Variants in PYY observed in about 807,000 individuals in gnomAD.
PYY encodes the protein peptide YY.
PYY carries 12 observed loss-of-function variants against 10.3 expected under a neutral mutation model. The ratio of observed to expected loss-of-function variants is 1.17; its 90% CI spans 0.75 to 1.89. The LOEUF (loss-of-function observed/expected upper bound fraction) is 1.89. PYY is among the 40% of genes most tolerant of loss of function. The pLI is 0.00. For synonymous variants in PYY, 66 were observed against 62.0 expected (o/e 1.06, Z -0.30); for missense variants, 141 against 134.0 (o/e 1.05, Z -0.26).
chr17:43,999,994 T>C (rs560350087), intron 1 of PYY, among the ~76,000 whole-genome samples: 2 of 152,226 alleles, frequency 1.3e-5, no homozygotes, highest in South Asian at 4.1e-4. Context: ...GTGCCTATGT[T>C]TTCCGAGAGC....
chr17:43,953,302 C>A lies in PYY; in HGVS notation c.182G>T (p.Arg61Leu), dbSNP rs748873545. 1.1e-5 allele frequency: 17 copies of A among 1,612,160 alleles called. No homozygotes were observed. Among genetic ancestry groups the A allele is most frequent in the Non-Finnish European group, 1.3e-5 (15 of 1,179,144 alleles). ...SLRHYLNLVTRQRYGKRDGPD... is the reference protein window; with the variant it reads ...SLRHYLNLVTLQRYGKRDGPD... ...GCTCCGCGCCTGCGCTCACCGCTGC[C>A]GGGTGACCAGGTTGAGGTAGTGGCG... Residue 61 changes from arginine to leucine, a missense_variant, in exon 2 of 4, where the codon CGG becomes CTG. By Grantham distance (102) the Arg-to-Leu change is moderately radical. Transcript: ENST00000692052.
intron 1 of PYY, among the ~76,000 whole-genome samples, chr17:43,995,068 C>G (rs2048982323): frequency 6.6e-6 from 1 of 152,206 alleles, no homozygotes; most frequent in Non-Finnish European, 1.5e-5. Flanking sequence ...CGTGGCCGGG[C>G]CGGCATCGCC....
upstream of PYY, among the ~76,000 whole-genome samples, chr17:43,954,947 C>G (rs2048662123): frequency 1.3e-5 from 2 of 152,190 alleles, no homozygotes; most frequent in South Asian, 4.1e-4. Context: ...GAAACTGAAG[C>G]CCTGGGAGGT....
chr17:44,001,785 G>A (rs2049029024), intron 1 of PYY, among the ~76,000 whole-genome samples: 1 of 152,056 alleles, frequency 6.6e-6, no homozygotes, highest in African/African-American at 2.4e-5. Context: ...GGAGATACCA[G>A]TCCTGCCCTC....
chr17:43,991,765 C>T (rs568388539), intron 1 of PYY, among the ~76,000 whole-genome samples: 4 of 150,636 alleles, frequency 2.7e-5, no homozygotes, highest in South Asian at 2.1e-4. Flanking sequence ...GAGGCTGCAG[C>T]GAGCTGTGAT....
At chr17:43,964,223 G>C (rs934108696) in intron 2 of PYY, among the ~76,000 whole-genome samples, 1 of 152,128 alleles carries the variant, frequency 6.6e-6, no homozygotes, top group South Asian at 2.1e-4. Context: ...GTCTCAATAT[G>C]TTGCCCAGGC....
intron 1 of PYY, among the ~76,000 whole-genome samples, chr17:43,983,217 G>T (rs570480435): frequency 2.0e-5 from 3 of 152,276 alleles, no homozygotes; most frequent in Non-Finnish European, 2.9e-5. Context: ...GGGTGACAGC[G>T]AGATGCTGTC....
intron 1 of PYY, among the ~76,000 whole-genome samples, chr17:43,982,475 A>G (rs1205961098): frequency 6.6e-6 from 1 of 152,194 alleles, no homozygotes; most frequent in African/African-American, 2.4e-5. Context: ...ATGCCCCTAG[A>G]TGTGATGCTC....
chr17:43,989,846 ATATATATATATATATATATATATAT>A lies in PYY; in HGVS notation c.-463+14520_-463+14544del, dbSNP rs2048943851. On this transcript the variant is annotated intron_variant, in intron 1 of 6. Transcript: ENST00000360085. ...AAAAAAAAAAAAAAAAAAAAAAAAT[ATATATATATATATATATATATATAT>A]ATATATATATATATATATATATATA... 3.1e-3 allele frequency among the ~76,000 whole-genome samples: 2 copies of A among 646 alleles called. 1 individual carries two copies. The highest frequency in any genetic ancestry group is 0.01 in the African/African-American group (2 of 196). 0.4% of individuals were successfully genotyped at this position (646 alleles called of 152,430 possible).
rs377508672 is a variant in PYY at position 43,974,464 on chromosome 17, A to C, written c.-462-7932T>G. ...AAAACCTGCTTCAAACCCTGTGTCA[A>C]TTGTTCACCCAGTCTCTGTGGTGTG... is the stretch of plus-strand genomic sequence containing the variant. On this transcript the variant is annotated intron_variant, in intron 1 of 6. Coordinates refer to the PYY transcript ENST00000360085. Among the ~76,000 whole-genome samples, 359 of 152,148 alleles carry C rather than the reference A, an allele frequency of 2.4e-3. 3 individuals carry two copies. Among genetic ancestry groups the C allele is most frequent in the African/African-American group, 8.2e-3 (340 of 41,510 alleles).
intron 2 of PYY, among the ~76,000 whole-genome samples, chr17:43,962,756 T>C (rs1170561143): frequency 1.3e-5 from 2 of 152,162 alleles, no homozygotes; most frequent in South Asian, 4.1e-4. Context: ...ACCTGGAAAG[T>C]GCAATGGGCA....
At chr17:43,997,775 C>T (rs902133451) in intron 1 of PYY, among the ~76,000 whole-genome samples, 5 of 152,172 alleles carry the variant, frequency 3.3e-5, no homozygotes, top group East Asian at 1.9e-4. Context: ...CCCCCGCCCG[C>T]GTTCCTTTAA....
chr17:43,964,680 G>C (rs967845860), intron 2 of PYY, among the ~76,000 whole-genome samples: 2 of 152,200 alleles, frequency 1.3e-5, no homozygotes, highest in African/African-American at 2.4e-5. Flanking sequence ...AAAATTAGCT[G>C]TAATCCCAGC....
intron 1 of PYY, among the ~76,000 whole-genome samples, chr17:43,983,562 A>T (rs991524362): frequency 1.2e-4 from 19 of 152,172 alleles, no homozygotes; most frequent in Non-Finnish European, 2.4e-4. Flanking sequence ...CACTGCAGGG[A>T]TGAGGACCAT....
Position 43,959,019 on chromosome 17 carries a change from G to A in PYY, c.-217-991C>T, listed in dbSNP as rs557939698. 2.4e-3 allele frequency among the ~76,000 whole-genome samples: 369 copies of A among 152,320 alleles called. 1 individual carries two copies. Among genetic ancestry groups the A allele is most frequent in the African/African-American group, 8.4e-3 (349 of 41,562 alleles). ...GGGAAAATCCTAAAAATCTAGAAGTGTGCTACATCAGATTGCTTCACAAGT... is the reference window on the plus strand; with the variant it reads ...GGGAAAATCCTAAAAATCTAGAAGTATGCTACATCAGATTGCTTCACAAGT... On this transcript the variant is annotated intron_variant, in intron 2 of 6. Coordinates refer to the PYY transcript ENST00000360085.
At chr17:43,973,345 G>A (rs1013618302) in intron 1 of PYY, among the ~76,000 whole-genome samples, 2 of 152,146 alleles carry the variant, frequency 1.3e-5, no homozygotes, top group Non-Finnish European at 2.9e-5. Context: ...ATCCTAGGTC[G>A]TTGTGGAGGA....
chr17:43,981,594 A>G (rs1490571336), intron 1 of PYY, among the ~76,000 whole-genome samples: 1 of 152,084 alleles, frequency 6.6e-6, no homozygotes, highest in Non-Finnish European at 1.5e-5. Context: ...GGTTCAAGCA[A>G]TTCTCCTACC....
intron 1 of PYY, among the ~76,000 whole-genome samples, chr17:43,980,155 CCT>C (rs1491470700): frequency 2.2e-5 from 3 of 138,992 alleles, no homozygotes; most frequent in East Asian, 4.0e-4. Context: ...TTCCCCTCCA[CCT>C]TTTTTTTTTT....
upstream of PYY, chr17:43,957,938 C>T (rs551679295): frequency 3.5e-4 from 54 of 154,684 alleles, no homozygotes; most frequent in African/African-American, 1.3e-3. Context: ...TCCCTCTTAC[C>T]TGAAGCTTCT....
Sources: allele counts gnomAD v4.1 joint callset (sites outside exome capture counted in the v4.1 genomes callset), GRCh38; gene constraint gnomAD v4.1.1; transcripts MANE v1.5; gene names NCBI Gene and HGNC (gene_info 2026-07-23, HGNC 2026-07-21).